QTGAL: variants seen among roughly 807,000 people sequenced by gnomAD.
The protein encoded by QTGAL is queuosine-tRNA galactosyltransferase, also known as BGnT-like protein 1.
chr17:83,047,191 C>G, the QTGAL span, among the ~76,000 whole-genome samples: 1 of 152,198 alleles, frequency 6.6e-6, no homozygotes, highest in East Asian at 1.9e-4. Context: ...CTTCCTGGCT[C>G]ACAGAGGTGC....
chr17:82,965,941 T>C, the QTGAL span, among the ~76,000 whole-genome samples: 1 of 152,070 alleles, frequency 6.6e-6, no homozygotes, highest in Non-Finnish European at 1.5e-5. Context: ...TCAAGGGGCT[T>C]CATGACGTGG....
the QTGAL span, among the ~76,000 whole-genome samples, chr17:82,952,230 T>C: frequency 3.3e-5 from 5 of 152,138 alleles, no homozygotes; most frequent in Non-Finnish European, 5.9e-5. Context: ...TCACGGCTTC[T>C]GCGGGGCAGG....
At chr17:82,956,753 C>T in the QTGAL span, 31 of 1,584,554 alleles carry the variant, frequency 2.0e-5, no homozygotes, top group East Asian at 2.8e-4. This position sits in a 1 kb window ranked among gnomAD's most constrained non-coding sequence, Gnocchi z 5.7. Context: ...GATGGGGATT[C>T]GGGGCTTGGG....
chr17:83,026,170 C>A, the QTGAL span, among the ~76,000 whole-genome samples: 3 of 152,214 alleles, frequency 2.0e-5, no homozygotes, highest in African/African-American at 7.2e-5. Flanking sequence ...TCCTGCTCAG[C>A]CAGCAAAAGT....
At chr17:83,006,283 G>A in the QTGAL span, 3 of 985,570 alleles carry the variant, frequency 3.0e-6, no homozygotes, top group Non-Finnish European at 2.4e-6. The surrounding 1 kb of genome is among the most constrained non-coding windows in gnomAD (Gnocchi z 5.8). Flanking sequence ...TCCAACTTGT[G>A]TAGCGTTTAC....
chr17:83,022,265 G>A, the QTGAL span, among the ~76,000 whole-genome samples: 19 of 136,238 alleles, frequency 1.4e-4, no homozygotes, highest in South Asian at 3.9e-3. Flanking sequence ...GAACTCACAT[G>A]AGCTTAGCAC....
the QTGAL span, chr17:82,943,460 C>G: frequency 2.0e-5 from 3 of 151,916 alleles, no homozygotes; most frequent in East Asian, 1.9e-4. Flanking sequence ...GGTGAGCAAC[C>G]CTTTCCCTAT....
At chr17:83,045,806 C>CATTTATTTATTT in the QTGAL span, among the ~76,000 whole-genome samples, 8 of 151,908 alleles carry the variant, frequency 5.3e-5, no homozygotes, top group African/African-American at 1.9e-4. Flanking sequence ...GGAAGATATA[C>CATTTATTTATTT]ATTTATTTAT....
the QTGAL span, among the ~76,000 whole-genome samples, chr17:82,963,530 G>A: frequency 6.6e-6 from 1 of 152,140 alleles, no homozygotes; most frequent in Non-Finnish European, 1.5e-5. Context: ...CCCAAACCAG[G>A]AAACAGAGAC....
chr17:82,951,559 C>T, the QTGAL span, among the ~76,000 whole-genome samples: 1 of 152,198 alleles, frequency 6.6e-6, no homozygotes, highest in Non-Finnish European at 1.5e-5. Flanking sequence ...CTTTTAATTT[C>T]CTTCAATAAC....
At chr17:82,978,051 A>G in the QTGAL span, among the ~76,000 whole-genome samples, 1 of 152,136 alleles carries the variant, frequency 6.6e-6, no homozygotes, top group South Asian at 2.1e-4. This position sits in a 1 kb window ranked among gnomAD's most constrained non-coding sequence, Gnocchi z 4.8. Flanking sequence ...GGTTACGTGG[A>G]GGGCATCAGG....
At chr17:83,015,916 G>T in the QTGAL span, among the ~76,000 whole-genome samples, 1 of 152,128 alleles carries the variant, frequency 6.6e-6, no homozygotes, top group Non-Finnish European at 1.5e-5. The surrounding 1 kb of genome is among the most constrained non-coding windows in gnomAD (Gnocchi z 4.4). Context: ...CCTGTCCCTG[G>T]TGCCAAAAAG....
chr17:82,997,967 A>G, the QTGAL span, among the ~76,000 whole-genome samples: 1 of 149,000 alleles, frequency 6.7e-6, no homozygotes, highest in East Asian at 1.9e-4. Flanking sequence ...ATCTAGATCT[A>G]TCTATCTATC....
At chr17:82,961,396 G>A in the QTGAL span, 9 of 560,816 alleles carry the variant, frequency 1.6e-5, no homozygotes, top group South Asian at 1.1e-4. Flanking sequence ...AAGAGGGGAA[G>A]GGAGGGTGGG....
chr17:82,972,962 A>C, the QTGAL span, among the ~76,000 whole-genome samples: 1 of 152,130 alleles, frequency 6.6e-6, no homozygotes, highest in African/African-American at 2.4e-5. Context: ...TGGGGCTGTG[A>C]GCGGAAGGGG....
chr17:83,008,344 G>T, the QTGAL span, among the ~76,000 whole-genome samples: 3 of 152,364 alleles, frequency 2.0e-5, no homozygotes, highest in African/African-American at 7.2e-5. Context: ...GAAAGCGCAG[G>T]CCGCTGGAGT....
At chr17:83,025,708 C>T in the QTGAL span, among the ~76,000 whole-genome samples, 4 of 152,156 alleles carry the variant, frequency 2.6e-5, no homozygotes, top group East Asian at 3.9e-4. Flanking sequence ...AGAGTCAAGG[C>T]GGGGCTGAGG....
chr17:83,035,574 C>G, the QTGAL span, among the ~76,000 whole-genome samples: 1 of 152,094 alleles, frequency 6.6e-6, no homozygotes, highest in Admixed American at 6.5e-5. Flanking sequence ...GACAATATTC[C>G]ACCTTTGGTA....
At chr17:82,942,816 G>C in the QTGAL span, 67 of 388,654 alleles carry the variant, frequency 1.7e-4, no homozygotes, top group African/African-American at 1.3e-3. Flanking sequence ...TGGAGACCAG[G>C]CCCCCTTCTT....
Sources: gnomAD v4.1 joint callset for allele counts (sites outside exome capture counted in the v4.1 genomes callset) on GRCh38, gnomAD v4.1.1 for gene constraint, Gnocchi (gnomAD v3.1) non-coding constraint, MANE v1.5 for transcripts, NCBI Gene and HGNC (gene_info 2026-07-23, HGNC 2026-07-21) for gene names.